The following MAPK10 variants were observed in gnomAD, a reference collection of about 807,000 sequenced individuals.
MAPK10 encodes the protein mitogen-activated protein kinase 10.
In MAPK10, 25 loss-of-function variants were observed where a neutral mutation model predicts 59.3. That is an observed-to-expected ratio of 0.42 (90% CI 0.31 to 0.59). The LOEUF (loss-of-function observed/expected upper bound fraction) is 0.59, where lower values mean the gene tolerates loss of function less well. MAPK10 is among the 20% of genes least tolerant of loss of function. The pLI, the probability that MAPK10 is intolerant of heterozygous loss-of-function variation, is 0.15. For synonymous variants in MAPK10, 190 were observed against 200.5 expected, an observed-to-expected ratio of 0.95 and a Z score of 0.44; for missense variants, 351 against 568.9, an observed-to-expected ratio of 0.62 and a Z score of 3.90.
intron 1 of MAPK10, among the ~76,000 whole-genome samples, chr4:86,369,007 C>A (rs1049463450): frequency 1.3e-5 from 2 of 152,084 alleles, no homozygotes; most frequent in African/African-American, 4.8e-5. Flanking sequence ...GCCAGACATC[C>A]TCAGGTTTAC....
intron 2 of MAPK10, among the ~76,000 whole-genome samples, chr4:86,257,293 G>C (rs61315373): frequency 6.6e-6 from 1 of 152,118 alleles, no homozygotes; most frequent in Non-Finnish European, 1.5e-5. Context: ...TACCAGCTTA[G>C]GTTAGGTTGG....
At chr4:86,398,640 T>C (rs529979261) in intron 1 of MAPK10, among the ~76,000 whole-genome samples, 6 of 152,346 alleles carry the variant, frequency 3.9e-5, no homozygotes, top group African/African-American at 1.4e-4. Flanking sequence ...AGGTGGTACA[T>C]GTGCAGGTTT....
chr4:86,182,689 A>G (rs2077180593), intron 3 of MAPK10, among the ~76,000 whole-genome samples: 1 of 152,158 alleles, frequency 6.6e-6, no homozygotes, highest in Admixed American at 6.6e-5. Context: ...TTGCTAGAGA[A>G]GTGAATGAGG....
chr4:86,502,322 C>A (rs186907010), intron 1 of MAPK10, among the ~76,000 whole-genome samples: 24 of 152,142 alleles, frequency 1.6e-4, no homozygotes, highest in East Asian at 3.9e-4. Context: ...TCCCCCAACT[C>A]GCTCCTGAAG....
At chr4:86,469,774 T>C (rs1161850550) in intron 1 of MAPK10, among the ~76,000 whole-genome samples, 2 of 152,198 alleles carry the variant, frequency 1.3e-5, no homozygotes, top group African/African-American at 4.8e-5. Flanking sequence ...AATTCCCAAA[T>C]ACCAGATATA....
intron 2 of MAPK10, among the ~76,000 whole-genome samples, chr4:86,239,283 T>C (rs1312811892): frequency 6.6e-6 from 1 of 152,228 alleles, no homozygotes; most frequent in Non-Finnish European, 1.5e-5. Flanking sequence ...TCTATGTTCA[T>C]CAGGGATATT....
chr4:86,384,166 T>A (rs550071482), intron 1 of MAPK10: 9 of 152,332 alleles, frequency 5.9e-5, no homozygotes, highest in Middle Eastern at 3.4e-3. Flanking sequence ...GATGTTTTCA[T>A]CAGACATTAT....
intron 2 of MAPK10, among the ~76,000 whole-genome samples, chr4:86,351,360 G>C (rs1731271712): frequency 6.8e-6 from 1 of 146,430 alleles, no homozygotes; most frequent in Non-Finnish European, 1.5e-5. Flanking sequence ...GTCATACAAT[G>C]TGTGTGTGTA....
chr4:86,287,713 C>T (rs1353183181), intron 2 of MAPK10, among the ~76,000 whole-genome samples: 2 of 152,098 alleles, frequency 1.3e-5, no homozygotes, highest in Non-Finnish European at 2.9e-5. Context: ...TACTAGAAAA[C>T]CCAATCACTA....
intron 1 of MAPK10, among the ~76,000 whole-genome samples, chr4:86,503,136 C>A (rs1267803816): frequency 6.6e-6 from 1 of 152,124 alleles, no homozygotes; most frequent in Non-Finnish European, 1.5e-5. Flanking sequence ...AGGGTATCAT[C>A]TTTCCCAAAC....
intron 1 of MAPK10, among the ~76,000 whole-genome samples, chr4:86,390,632 T>C (rs892051521): frequency 6.6e-6 from 1 of 152,236 alleles, no homozygotes; most frequent in East Asian, 1.9e-4. Context: ...TATGTTTTGA[T>C]TGACTGGCAC....
At chr4:86,450,984 T>C (rs1750629715) in intron 1 of MAPK10, among the ~76,000 whole-genome samples, 1 of 152,188 alleles carries the variant, frequency 6.6e-6, no homozygotes, top group Admixed American at 6.5e-5. Context: ...AATCCTCAAT[T>C]ACGCAAAGAA....
chr4:86,360,783 G>C (rs989483134), upstream of MAPK10, among the ~76,000 whole-genome samples: 5 of 151,966 alleles, frequency 3.3e-5, no homozygotes, highest in Middle Eastern at 3.4e-3. Context: ...AACTGTTATA[G>C]GGTATTTTTA....
chr4:86,095,551 A>C (rs951653936), intron 9 of MAPK10: 2 of 151,852 alleles, frequency 1.3e-5, no homozygotes, highest in African/African-American at 4.8e-5. Context: ...ATCAATTAGC[A>C]TATACTTAGC....
At chr4:86,217,899 G>A (rs1017350677) in intron 2 of MAPK10, among the ~76,000 whole-genome samples, 1 of 151,974 alleles carries the variant, frequency 6.6e-6, no homozygotes, top group African/African-American at 2.4e-5. Context: ...ATTAAAAATA[G>A]CAATGGAATG....
At chr4:86,031,611 C>T in intron 11 of MAPK10, 180 bp from the exon 12 acceptor site, 1 of 525,754 alleles carries the variant, frequency 1.9e-6, no homozygotes, top group Non-Finnish European at 3.4e-6. Flanking sequence ...AGGATTCATT[C>T]ATATTGCAAT....
chr4:86,443,160 T>C (rs1749612503), intron 1 of MAPK10, among the ~76,000 whole-genome samples: 1 of 151,934 alleles, frequency 6.6e-6, no homozygotes, highest in Admixed American at 6.6e-5. Flanking sequence ...CCAAGGAGAC[T>C]CAGTCTTAGA....
chr4:86,308,773 C>T (rs1205316389), intron 2 of MAPK10: 1 of 152,102 alleles, frequency 6.6e-6, no homozygotes, highest in African/African-American at 2.4e-5. Flanking sequence ...TGAAAGAAAG[C>T]ATACCATTTA....
intron 1 of MAPK10, among the ~76,000 whole-genome samples, chr4:86,522,002 G>A (rs1757146212): frequency 6.6e-6 from 1 of 152,098 alleles, no homozygotes; most frequent in Non-Finnish European, 1.5e-5. Context: ...GTTGAGCTGG[G>A]GACTGGGAGT....
Sources: gnomAD v4.1 joint callset for allele counts (sites outside exome capture counted in the v4.1 genomes callset) on GRCh38, gnomAD v4.1.1 for gene constraint, MANE v1.5 for transcripts, NCBI Gene and HGNC (gene_info 2026-07-23, HGNC 2026-07-21) for gene names.